The following RHOBTB1 variants were observed in gnomAD, a reference collection of about 807,000 sequenced individuals.
The protein encoded by RHOBTB1 is Rho related BTB domain containing 1.
Under a neutral mutation model 71.6 loss-of-function variants are expected in RHOBTB1, and 40 were observed. The observed-to-expected ratio is 0.56, with a 90% confidence interval of 0.43 to 0.73. The LOEUF (loss-of-function observed/expected upper bound fraction) is 0.73. Ranked by LOEUF, RHOBTB1 falls within the 30% of genes least tolerant of loss-of-function variation. The probability of loss-of-function intolerance (pLI) is 0.00; values close to 1 mark genes in which losing one functional copy is unlikely to be tolerated. For synonymous variants in RHOBTB1, 319 were observed against 334.9 expected (o/e 0.95, Z 0.52); for missense variants, 797 against 894.0 (o/e 0.89, Z 1.38).
intron 2 of RHOBTB1, among the ~76,000 whole-genome samples, chr10:60,956,889 A>G (rs952574023): frequency 5.9e-5 from 9 of 152,212 alleles, no homozygotes; most frequent in African/African-American, 2.2e-4. Flanking sequence ...GATACTCAGA[A>G]GGGTCCAGAG....
At chr10:60,954,936 C>CA in intron 2 of RHOBTB1, among the ~76,000 whole-genome samples, 1 of 151,778 alleles carries the variant, frequency 6.6e-6, no homozygotes, top group South Asian at 2.1e-4. Flanking sequence ...TAAGGGTTCT[C>CA]AGGGCATTTA....
At chr10:60,994,856 A>G (rs559174476) in intron 1 of RHOBTB1, among the ~76,000 whole-genome samples, 1 of 152,238 alleles carries the variant, frequency 6.6e-6, no homozygotes. Flanking sequence ...TTAATGCACA[A>G]GAAACCCAAA....
chr10:60,931,893 T>A (rs558673489), intron 2 of RHOBTB1, among the ~76,000 whole-genome samples: 1 of 152,086 alleles, frequency 6.6e-6, no homozygotes, highest in Non-Finnish European at 1.5e-5. Flanking sequence ...AAACAGAAGA[T>A]GAAAAATTCT....
At chr10:60,900,792 G>A (rs537044521) in intron 4 of RHOBTB1, among the ~76,000 whole-genome samples, 1 of 152,270 alleles carries the variant, frequency 6.6e-6, no homozygotes, top group East Asian at 1.9e-4. Flanking sequence ...AGCCATTACA[G>A]TTCTTCAGAC....
chr10:60,936,613 A>G (rs755129600), intron 2 of RHOBTB1, among the ~76,000 whole-genome samples: 1 of 152,210 alleles, frequency 6.6e-6, no homozygotes. Flanking sequence ...AGTAACCACT[A>G]TTCTTTAGAA....
the RHOBTB1 span, among the ~76,000 whole-genome samples, chr10:60,864,050 A>C: frequency 6.6e-6 from 1 of 152,060 alleles, no homozygotes; most frequent in Admixed American, 6.6e-5. Flanking sequence ...AGGAATATAA[A>C]AGCCTCCTCT....
chr10:60,910,774 C>G, intron 4 of RHOBTB1, 113 bp downstream of exon 4: 1 of 737,288 alleles, frequency 1.4e-6, no homozygotes. Context: ...AGTGCAGAAC[C>G]CAGCACATTT....
intron 7 of RHOBTB1, among the ~76,000 whole-genome samples, chr10:60,884,095 C>T (rs1391165758): frequency 6.6e-6 from 1 of 152,134 alleles, no homozygotes; most frequent in Admixed American, 6.5e-5. Context: ...AGCAGATAGC[C>T]TTTTGCTGGG....
At chr10:60,899,398 C>T (rs2082306875) in intron 4 of RHOBTB1, among the ~76,000 whole-genome samples, 1 of 152,202 alleles carries the variant, frequency 6.6e-6, no homozygotes, top group Admixed American at 6.5e-5. Context: ...CTTCCTTCCT[C>T]TACTTTTCAT....
chr10:60,978,735 C>A (rs912716693), intron 2 of RHOBTB1, among the ~76,000 whole-genome samples: 1 of 152,126 alleles, frequency 6.6e-6, no homozygotes, highest in African/African-American at 2.4e-5. Context: ...TTCCTTTCTT[C>A]TTCTACTTCT....
At chr10:60,989,047 A>G (rs1177205065) in intron 1 of RHOBTB1, among the ~76,000 whole-genome samples, 1 of 152,200 alleles carries the variant, frequency 6.6e-6, no homozygotes, top group Non-Finnish European at 1.5e-5. Flanking sequence ...ATAGGAGATT[A>G]AAGGATTTTT....
downstream of RHOBTB1, among the ~76,000 whole-genome samples, chr10:60,865,165 A>G (rs1424494189): frequency 6.6e-6 from 1 of 152,192 alleles, no homozygotes; most frequent in Non-Finnish European, 1.5e-5. Flanking sequence ...GGAAACTAGG[A>G]GATAGGGATG....
At chr10:60,941,185 T>C (rs1275051776) in intron 2 of RHOBTB1, among the ~76,000 whole-genome samples, 1 of 152,190 alleles carries the variant, frequency 6.6e-6, no homozygotes, top group East Asian at 1.9e-4. Flanking sequence ...ATTTTTCAAC[T>C]AGAGAGTTTA....
chr10:60,894,550 A>G (rs1192969940), intron 4 of RHOBTB1, among the ~76,000 whole-genome samples: 3 of 152,236 alleles, frequency 2.0e-5, no homozygotes, highest in Admixed American at 6.5e-5. Flanking sequence ...AAATAACAGT[A>G]TCCAGTAAAG....
chr10:60,890,243 A>G (rs2081849636), intron 5 of RHOBTB1, among the ~76,000 whole-genome samples: 1 of 151,862 alleles, frequency 6.6e-6, no homozygotes, highest in South Asian at 2.1e-4. Context: ...CCCTTCTTCA[A>G]GCCTTCTTTT....
At chr10:60,951,077 A>G (rs1464438478) in intron 2 of RHOBTB1, among the ~76,000 whole-genome samples, 1 of 152,228 alleles carries the variant, frequency 6.6e-6, no homozygotes, top group Non-Finnish European at 1.5e-5. Flanking sequence ...CCCTATGTTC[A>G]TATCACATTT....
intron 2 of RHOBTB1, among the ~76,000 whole-genome samples, chr10:60,954,785 C>T (rs1218044544): frequency 1.3e-5 from 2 of 151,940 alleles, no homozygotes; most frequent in African/African-American, 4.8e-5. Flanking sequence ...AGTAACATTT[C>T]CCAAAGTGTG....
chr10:60,972,182 T>C (rs950955712), intron 2 of RHOBTB1, among the ~76,000 whole-genome samples: 11 of 152,174 alleles, frequency 7.2e-5, no homozygotes, highest in African/African-American at 2.7e-4. Context: ...AGCAATCCCA[T>C]TATTGAGTTT....
At chr10:60,921,080 C>T (rs1589306390) in intron 2 of RHOBTB1, among the ~76,000 whole-genome samples, 1 of 152,006 alleles carries the variant, frequency 6.6e-6, no homozygotes, top group African/African-American at 2.4e-5. Context: ...TCCTGAGTAG[C>T]TGGGATTACT....
Sources: allele counts gnomAD v4.1 joint callset (sites outside exome capture counted in the v4.1 genomes callset), GRCh38; gene constraint gnomAD v4.1.1; transcripts MANE v1.5; gene names NCBI Gene and HGNC (gene_info 2026-07-23, HGNC 2026-07-21).